NFIB: variants seen among roughly 807,000 people sequenced by gnomAD.
NFIB encodes nuclear factor 1 B-type.
In NFIB, 11 loss-of-function variants were observed where a neutral mutation model predicts 61.5. The observed-to-expected ratio is 0.18, with a 90% confidence interval of 0.11 to 0.30. The LOEUF (loss-of-function observed/expected upper bound fraction) is 0.30, where lower values mean the gene tolerates loss of function less well. Among genes scored for constraint, NFIB ranks in the 10% least tolerant of loss-of-function variants. The pLI, the probability that NFIB is intolerant of heterozygous loss-of-function variation, is 1.00. For synonymous variants in NFIB, 260 were observed against 216.5 expected, an observed-to-expected ratio of 1.20 and a Z score of -1.76; for missense variants, 471 against 608.9, an observed-to-expected ratio of 0.77 and a Z score of 2.38.
At chr9:14,472,001 G>T in the NFIB span, among the ~76,000 whole-genome samples, 2 of 152,126 alleles carry the variant, frequency 1.3e-5, no homozygotes, top group Non-Finnish European at 2.9e-5. Flanking sequence ...CCTTCAATGA[G>T]TTCCCTTGCT....
chr9:14,449,449 C>T, the NFIB span, among the ~76,000 whole-genome samples: 5 of 152,058 alleles, frequency 3.3e-5, no homozygotes, highest in African/African-American at 1.2e-4. Flanking sequence ...TTGAGGATCA[C>T]TGGCATAAAG....
intron 10 of NFIB, among the ~76,000 whole-genome samples, chr9:14,091,604 A>C (rs1408923417): frequency 6.6e-6 from 1 of 152,064 alleles, no homozygotes; most frequent in Non-Finnish European, 1.5e-5. Flanking sequence ...CAAAATATTC[A>C]AGCTCAAATT....
At chr9:14,141,694 G>A (rs1478681243) in intron 6 of NFIB, among the ~76,000 whole-genome samples, 4 of 151,878 alleles carry the variant, frequency 2.6e-5, no homozygotes, top group Non-Finnish European at 5.9e-5. Flanking sequence ...TCCCATACAT[G>A]TAGAAATTAA....
intron 1 of NFIB, among the ~76,000 whole-genome samples, chr9:14,336,040 C>T (rs1326944828): frequency 6.6e-6 from 1 of 152,086 alleles, no homozygotes; most frequent in Admixed American, 6.6e-5. Flanking sequence ...TGTCTTTATC[C>T]ATGTCAATTC....
chr9:14,209,165 C>G (rs555652928), intron 2 of NFIB, among the ~76,000 whole-genome samples: 1 of 152,300 alleles, frequency 6.6e-6, no homozygotes, highest in South Asian at 2.1e-4. Context: ...ACTACTGTTT[C>G]TGACATGGAG....
At chr9:14,290,325 C>T (rs1042448085) in intron 2 of NFIB, among the ~76,000 whole-genome samples, 4 of 152,040 alleles carry the variant, frequency 2.6e-5, no homozygotes, top group African/African-American at 7.2e-5. Flanking sequence ...GCACTTTAGG[C>T]ATAGCATTGC....
intron 5 of NFIB, among the ~76,000 whole-genome samples, chr9:14,148,239 C>A (rs1434951341): frequency 2.0e-5 from 3 of 152,028 alleles, no homozygotes; most frequent in Admixed American, 2.0e-4. Context: ...CCTCCTACCA[C>A]AGCCGCCCAA....
At chr9:14,427,234 T>G in the NFIB span, among the ~76,000 whole-genome samples, 16 of 152,182 alleles carry the variant, frequency 1.1e-4, no homozygotes, top group Admixed American at 2.0e-4. Flanking sequence ...ATACTCTCTT[T>G]ACTCATCTTT....
At chr9:14,489,534 T>C in the NFIB span, among the ~76,000 whole-genome samples, 1 of 152,094 alleles carries the variant, frequency 6.6e-6, no homozygotes, top group Non-Finnish European at 1.5e-5. Context: ...CTATAGGTAA[T>C]GCATGCAAGT....
intron 1 of NFIB, among the ~76,000 whole-genome samples, chr9:14,366,404 A>C (rs1220024743): frequency 1.3e-5 from 2 of 152,244 alleles, no homozygotes; most frequent in African/African-American, 4.8e-5. Flanking sequence ...CTGCTGCTGA[A>C]GACAAGACCA....
intron 3 of NFIB, among the ~76,000 whole-genome samples, chr9:14,170,889 G>C (rs2045492693): frequency 6.6e-6 from 1 of 152,122 alleles, no homozygotes; most frequent in African/African-American, 2.4e-5. Flanking sequence ...GAAGTTTTCT[G>C]GAACTAGGTA....
intron 10 of NFIB, among the ~76,000 whole-genome samples, chr9:14,103,507 T>A (rs1472604726): frequency 6.6e-6 from 1 of 152,098 alleles, no homozygotes; most frequent in East Asian, 1.9e-4. Context: ...GGAACCAAAG[T>A]ACCATAAATT....
chr9:14,341,190 G>A (rs1404448993), intron 1 of NFIB, among the ~76,000 whole-genome samples: 1 of 152,086 alleles, frequency 6.6e-6, no homozygotes, highest in African/African-American at 2.4e-5. Flanking sequence ...CCATTTGAGG[G>A]AAACATCCCT....
the NFIB span, among the ~76,000 whole-genome samples, chr9:14,461,570 AC>A: frequency 3.9e-5 from 6 of 152,050 alleles, no homozygotes; most frequent in Non-Finnish European, 8.8e-5. Context: ...CAATCAGCTC[AC>A]CCCTTCTGGA....
chr9:14,513,510 C>T, the NFIB span, among the ~76,000 whole-genome samples: 2 of 151,972 alleles, frequency 1.3e-5, no homozygotes, highest in South Asian at 4.2e-4. Context: ...TGCCTGTAAT[C>T]CTAGCTACTC....
chr9:14,095,023 C>T (rs1371114496), intron 10 of NFIB, among the ~76,000 whole-genome samples: 3 of 152,030 alleles, frequency 2.0e-5, no homozygotes. Flanking sequence ...CAAGAAAAAG[C>T]CACTCCATAT....
intron 3 of NFIB, among the ~76,000 whole-genome samples, chr9:14,176,533 G>A (rs1432845014): frequency 6.6e-6 from 1 of 152,012 alleles, no homozygotes; most frequent in African/African-American, 2.4e-5. Flanking sequence ...CTACTTAAAA[G>A]CTCTATAAAA....
chr9:14,190,562 T>C (rs1201958627), intron 2 of NFIB, among the ~76,000 whole-genome samples: 2 of 152,170 alleles, frequency 1.3e-5, no homozygotes, highest in South Asian at 2.1e-4. Flanking sequence ...AAAGTTAATA[T>C]ACCAGGAATA....
chr9:14,089,991 CG>C (rs2033612810), intron 10 of NFIB, among the ~76,000 whole-genome samples: 1 of 152,068 alleles, frequency 6.6e-6, no homozygotes, highest in South Asian at 2.1e-4. Context: ...CAGCAAAGTC[CG>C]TCTCTAGTAA....
Sources: gnomAD v4.1 joint callset for allele counts (sites outside exome capture counted in the v4.1 genomes callset) on GRCh38, gnomAD v4.1.1 for gene constraint, MANE v1.5 for transcripts, NCBI Gene and HGNC (gene_info 2026-07-23, HGNC 2026-07-21) for gene names.